SMARCA2: variants seen among roughly 807,000 people sequenced by gnomAD.
The protein encoded by SMARCA2 is SWI/SNF related BAF chromatin remodeling complex subunit ATPase 2, also known as SWI/SNF-related matrix-associated actin-dependent regulator of chromatin subfamily A member 2.
In SMARCA2, 61 loss-of-function variants were observed where a neutral mutation model predicts 199.8. The observed-to-expected ratio is 0.31, with a 90% CI of 0.25 to 0.38. The LOEUF is 0.38. Ranked by LOEUF, SMARCA2 falls within the 10% of genes least tolerant of loss-of-function variation. The pLI is 1.00. For missense variants in SMARCA2, 1,344 were observed against 2,012.2 expected (o/e 0.67, Z 6.35); for synonymous variants, 935 against 732.0 (o/e 1.28, Z -4.48).
At chr9:2,015,885 G>T (rs920368725) in intron 1 of SMARCA2, 1 of 152,316 alleles carries the variant, frequency 6.6e-6, no homozygotes, top group Non-Finnish European at 1.5e-5. Flanking sequence ...GGCCGCAGGA[G>T]GGGGAAGGCC....
At chr9:2,135,891 G>C (rs1051903679) in intron 27 of SMARCA2, among the ~76,000 whole-genome samples, 3 of 151,724 alleles carry the variant, frequency 2.0e-5, no homozygotes, top group Non-Finnish European at 4.4e-5. Flanking sequence ...GCCCAGGTTG[G>C]AGTGCAATGG....
At chr9:2,070,699 A>T (rs796314926) in intron 10 of SMARCA2, among the ~76,000 whole-genome samples, 1 of 152,260 alleles carries the variant, frequency 6.6e-6, no homozygotes, top group Non-Finnish European at 1.5e-5. Flanking sequence ...AATGTCTTGC[A>T]TAGTATTTCA....
intron 9 of SMARCA2, among the ~76,000 whole-genome samples, chr9:2,061,575 T>C (rs1248353119): frequency 1.3e-5 from 2 of 152,216 alleles, no homozygotes; most frequent in African/African-American, 2.4e-5. Flanking sequence ...ATTTAGAATC[T>C]CTGCAGCTAT....
chr9:2,189,846 G>A (rs1827755177), intron 32 of SMARCA2, among the ~76,000 whole-genome samples: 1 of 152,134 alleles, frequency 6.6e-6, no homozygotes, highest in Non-Finnish European at 1.5e-5. Flanking sequence ...TGTTTCTGTG[G>A]GAGATTTTAG....
chr9:2,089,833 C>T (rs569524849), intron 19 of SMARCA2, among the ~76,000 whole-genome samples: 1 of 152,200 alleles, frequency 6.6e-6, no homozygotes, highest in African/African-American at 2.4e-5. Flanking sequence ...TCCTAGCATA[C>T]AGTTACGGTG....
At chr9:2,185,444 T>C (rs965637430) in intron 31 of SMARCA2, among the ~76,000 whole-genome samples, 14 of 152,258 alleles carry the variant, frequency 9.2e-5, no homozygotes, top group Admixed American at 1.3e-4. Context: ...TTCCACCTCT[T>C]GGCTATTGTG....
At chr9:2,069,355 G>A (rs1404208598) in intron 9 of SMARCA2, among the ~76,000 whole-genome samples, 1 of 151,262 alleles carries the variant, frequency 6.6e-6, no homozygotes, top group Non-Finnish European at 1.5e-5. Context: ...AGGAGATTGA[G>A]ACCATCGTGG....
At chr9:2,052,494 C>T (rs1362648300) in intron 5 of SMARCA2, among the ~76,000 whole-genome samples, 1 of 151,852 alleles carries the variant, frequency 6.6e-6, no homozygotes, top group East Asian at 1.9e-4. Flanking sequence ...AAAGAAAAAA[C>T]AATAACGACA....
chr9:2,159,965 A>G, intron 27 of SMARCA2: 1 of 1,567,866 alleles, frequency 6.4e-7, no homozygotes, highest in Non-Finnish European at 8.7e-7. Context: ...CATCCCAGGC[A>G]TGTGTAGGTG....
At chr9:2,028,625 A>G (rs1818932119) in intron 1 of SMARCA2, among the ~76,000 whole-genome samples, 1 of 152,182 alleles carries the variant, frequency 6.6e-6, no homozygotes. Context: ...AATGTCTTGT[A>G]AGGTGTCCAA....
chr9:2,091,307 G>A (rs1276393747), intron 19 of SMARCA2, among the ~76,000 whole-genome samples: 3 of 152,068 alleles, frequency 2.0e-5, no homozygotes, highest in Non-Finnish European at 2.9e-5. Flanking sequence ...CCACTCATCC[G>A]TTCTCCATCC....
At chr9:2,132,183 A>C (rs1823990888) in intron 27 of SMARCA2, among the ~76,000 whole-genome samples, 1 of 152,238 alleles carries the variant, frequency 6.6e-6, no homozygotes, top group South Asian at 2.1e-4. Context: ...AAGAAAGGTT[A>C]AAGAACAAGA....
chr9:2,173,714 G>C (rs1446480209), intron 29 of SMARCA2, among the ~76,000 whole-genome samples: 1 of 152,128 alleles, frequency 6.6e-6, no homozygotes, highest in Non-Finnish European at 1.5e-5. Context: ...CCTTCTTGGA[G>C]ATTCCCAGTA....
chr9:2,025,988 G>C (rs897269911), intron 1 of SMARCA2, among the ~76,000 whole-genome samples: 1 of 152,140 alleles, frequency 6.6e-6, no homozygotes, highest in African/African-American at 2.4e-5. Context: ...AGATGCTCTG[G>C]AGGCAGCAGG....
At position 2,111,439 on chromosome 9, in the gene SMARCA2, C is replaced by T. The variant is rs1333373780; in HGVS notation, c.3456+1022C>T. On this transcript the variant is annotated intron_variant, in intron 24 of 33. Transcript: ENST00000349721. ...TCTGGGAGGCAGAGGCTATAGTGAG[C>T]CATGATCGTACCACCGCTCTCCAGC... Among the ~76,000 whole-genome samples, 5 of 149,524 alleles carry T rather than the reference C, an allele frequency of 3.3e-5. No individual in the cohort carries two copies. In the Admixed American group the frequency reaches 3.4e-4, roughly 10 times the overall value.
rs992433694 is a variant in SMARCA2, at chr9:2,098,072, G to C, written c.3078+601G>C. 9.8e-5 allele frequency among the ~76,000 whole-genome samples: 15 copies of C among 152,340 alleles called. No individual in the cohort carries two copies. The East Asian group carries it at 2.9e-3, about 29-fold the overall frequency. Reference sequence around the variant, plus strand: ...TGCCATGTTCACTCCATGTGAATAAGTTTCCTAAATTGACAGTGTTTCACC... The same window carrying C: ...TGCCATGTTCACTCCATGTGAATAACTTTCCTAAATTGACAGTGTTTCACC... On this transcript the variant is annotated intron_variant, in intron 21 of 33. Transcript: ENST00000349721.
intron 23 of SMARCA2, among the ~76,000 whole-genome samples, chr9:2,105,763 G>A (rs565592699): frequency 6.6e-6 from 1 of 152,148 alleles, no homozygotes; most frequent in Non-Finnish European, 1.5e-5. Context: ...TTTACCTGCT[G>A]CTCAAGTGAG....
At chr9:2,101,641 T>A in intron 22 of SMARCA2, 25 bp downstream of exon 22, 1 of 1,342,750 alleles carries the variant, frequency 7.4e-7, no homozygotes, top group Non-Finnish European at 1.1e-6. Context: ...TTTTTTTCTT[T>A]TAAAAAAAAA....
intron 3 of SMARCA2, among the ~76,000 whole-genome samples, chr9:2,034,908 G>A (rs7862617): frequency 0.22 from 32,832 of 152,066 alleles, 3,729 homozygotes; most frequent in East Asian, 0.32. Flanking sequence ...AAGAAGAACA[G>A]ATTTGACTCA....
Sources: allele counts gnomAD v4.1 joint callset (sites outside exome capture counted in the v4.1 genomes callset), GRCh38; gene constraint gnomAD v4.1.1; transcripts MANE v1.5; gene names NCBI Gene and HGNC (gene_info 2026-07-23, HGNC 2026-07-21).